Variants in CUX1 observed in about 807,000 individuals in gnomAD.
CUX1 encodes protein CASP.
CUX1 carries 31 observed loss-of-function variants against 158.8 expected under a neutral mutation model. The observed-to-expected ratio is 0.20, with a 90% CI of 0.15 to 0.26. The LOEUF (loss-of-function observed/expected upper bound fraction) is 0.26, where lower values mean the gene tolerates loss of function less well. Ranked by LOEUF, CUX1 falls within the 10% of genes least tolerant of loss-of-function variation. The pLI, the probability that CUX1 is intolerant of heterozygous loss-of-function variation, is 1.00. For synonymous variants in CUX1, 879 were observed against 862.1 expected (o/e 1.02, Z -0.34); for missense variants, 1,589 against 2,014.6 (o/e 0.79, Z 4.04).
chr7:102,070,142 A>G (rs904104328), intron 3 of CUX1, among the ~76,000 whole-genome samples, 197 bp from the exon 4 acceptor site: 1 of 151,912 alleles, frequency 6.6e-6, no homozygotes, highest in Non-Finnish European at 1.5e-5. Flanking sequence ...ATACTCCCAA[A>G]TCTCTGCTCC....
At chr7:101,920,122 A>G (rs1804733489) in intron 2 of CUX1, among the ~76,000 whole-genome samples, 2 of 113,234 alleles carry the variant, frequency 1.8e-5, no homozygotes, top group South Asian at 2.8e-4. Context: ...TTTTATTTTT[A>G]TGTGTTTTTT....
chr7:102,031,397 G>T (rs1190463534), intron 3 of CUX1, among the ~76,000 whole-genome samples: 2 of 152,028 alleles, frequency 1.3e-5, no homozygotes, highest in Non-Finnish European at 1.5e-5. Context: ...TTGCTTTTTT[G>T]AAGAGTCTTA....
At chr7:102,202,248 C>G (rs1554520055) in intron 18 of CUX1, 44 bp downstream of exon 18, 1 of 1,547,212 alleles carries the variant, frequency 6.5e-7, no homozygotes, top group South Asian at 1.2e-5. Flanking sequence ...CATCTCTTCT[C>G]CTTGCTGAGG....
intron 16 of CUX1, chr7:102,275,140 C>A: frequency 1.3e-6 from 1 of 770,432 alleles, no homozygotes; most frequent in East Asian, 2.7e-5. Flanking sequence ...GCTTCTACCC[C>A]ATGGCATTTG....
chr7:101,973,109 C>T (rs183005828), intron 2 of CUX1, among the ~76,000 whole-genome samples: 4 of 152,288 alleles, frequency 2.6e-5, no homozygotes, highest in African/African-American at 9.6e-5. Context: ...CAAGTCCATC[C>T]ACGGTATCCT....
chr7:102,046,568 G>GTTTTTTTTTTTT (rs1461868011), intron 3 of CUX1, among the ~76,000 whole-genome samples: 1 of 89,540 alleles, frequency 1.1e-5, no homozygotes, highest in African/African-American at 4.7e-5. Flanking sequence ...GTTTGGTTTG[G>GTTTTTTTTTTTT]ATTTTTTTTT....
At chr7:101,967,401 C>T (rs1396622878) in intron 2 of CUX1, among the ~76,000 whole-genome samples, 2 of 152,204 alleles carry the variant, frequency 1.3e-5, no homozygotes, top group Admixed American at 6.5e-5. Flanking sequence ...TCCGAAACAC[C>T]GCGCTAGATC....
intron 8 of CUX1, among the ~76,000 whole-genome samples, chr7:102,131,563 T>G (rs1444631439): frequency 6.6e-6 from 1 of 151,820 alleles, no homozygotes; most frequent in Admixed American, 6.6e-5. Flanking sequence ...ACAGAGTCTT[T>G]AGTAAATGGT....
intron 20 of CUX1, among the ~76,000 whole-genome samples, chr7:102,223,742 G>A (rs1798063135): frequency 6.6e-6 from 1 of 152,190 alleles, no homozygotes; most frequent in Admixed American, 6.5e-5. Context: ...GCCAAGGTGG[G>A]CGGGTCATCT....
intron 9 of CUX1, among the ~76,000 whole-genome samples, chr7:102,162,600 T>G (rs1393060077): frequency 1.3e-5 from 2 of 152,072 alleles, no homozygotes; most frequent in African/African-American, 4.8e-5. Flanking sequence ...TTAGTAGAGA[T>G]AACTCCTGGG....
At chr7:101,817,316 T>A (rs1791957550), upstream of CUX1, 1 of 984,632 alleles carries the variant, frequency 1.0e-6, no homozygotes. This position sits in a 1 kb window ranked among gnomAD's most constrained non-coding sequence, Gnocchi z 4.1. Context: ...CCTCGGGGCT[T>A]CTGCCCTCTC....
At chr7:102,136,205 T>A (rs1554498709) in intron 8 of CUX1, among the ~76,000 whole-genome samples, 1 of 152,114 alleles carries the variant, frequency 6.6e-6, no homozygotes, top group Non-Finnish European at 1.5e-5. Context: ...TGTCTATAAT[T>A]TCATTCTATC....
At chr7:101,973,289 C>G (rs1357611759) in intron 2 of CUX1, among the ~76,000 whole-genome samples, 1 of 152,108 alleles carries the variant, frequency 6.6e-6, no homozygotes, top group Admixed American at 6.5e-5. Flanking sequence ...TGACCCACAT[C>G]CCATGGCTCT....
At chr7:102,063,220 G>T (rs142185506) in intron 3 of CUX1, among the ~76,000 whole-genome samples, 1 of 152,112 alleles carries the variant, frequency 6.6e-6, no homozygotes, top group East Asian at 1.9e-4. Flanking sequence ...GCAGATGTGC[G>T]GGTCACTGCA....
At chr7:102,004,598 T>C (rs745818511) in intron 2 of CUX1, among the ~76,000 whole-genome samples, 12 of 152,198 alleles carry the variant, frequency 7.9e-5, no homozygotes, top group Non-Finnish European at 1.5e-4. Context: ...ACAGCCACCA[T>C]TGAGCTAGAG....
chr7:101,940,335 G>A (rs965402740), intron 2 of CUX1, among the ~76,000 whole-genome samples: 1 of 152,100 alleles, frequency 6.6e-6, no homozygotes, highest in Admixed American at 6.5e-5. Flanking sequence ...AGTGTTGTTG[G>A]CAAGAGAAGC....
In CUX1 at chr7:102,249,186, G is replaced by T; in HGVS notation, c.*144G>T. The T allele has an allele frequency of 8.8e-7, 1 of 1,131,580 alleles. No homozygotes were observed. The highest frequency in any genetic ancestry group is 4.3e-5 in the East Asian group (1 of 23,024). The allele number at this position is 1,131,580 out of a possible 1,614,324, so 70.1% of individuals were successfully genotyped here. A position where few individuals can be genotyped will look rare whatever the true frequency, so the allele number is the denominator to read the frequency against. ...GGGCCGGACCTGAGCCCGCAGCCCA[G>T]ACCCCCTCCACGGTCCGCGGCCTGC... On this transcript the variant is annotated 3_prime_UTR_variant, in exon 24 of 24. Transcript: ENST00000292535.
chr7:102,210,431 C>G (rs1796401249), intron 20 of CUX1, among the ~76,000 whole-genome samples: 1 of 152,082 alleles, frequency 6.6e-6, no homozygotes, highest in Non-Finnish European at 1.5e-5. Flanking sequence ...CCCAAGTAAC[C>G]TGGTCTCTGT....
intron 4 of CUX1, among the ~76,000 whole-genome samples, chr7:102,087,580 CA>C (rs1263151948): frequency 2.0e-5 from 3 of 150,214 alleles, no homozygotes; most frequent in African/African-American, 7.3e-5. Flanking sequence ...AACTCCATCT[CA>C]AAAAAAAAGT....
Sources: gnomAD v4.1 joint callset for allele counts (sites outside exome capture counted in the v4.1 genomes callset) on GRCh38, gnomAD v4.1.1 for gene constraint, Gnocchi (gnomAD v3.1) non-coding constraint, MANE v1.5 for transcripts, NCBI Gene and HGNC (gene_info 2026-07-23, HGNC 2026-07-21) for gene names.